Variants in LTBP1 observed in about 807,000 individuals in gnomAD.
LTBP1 encodes latent transforming growth factor beta binding protein 1.
In LTBP1, 129 loss-of-function variants were observed where a neutral mutation model predicts 207.6. That is an observed-to-expected ratio of 0.62 (90% CI 0.54 to 0.72). The LOEUF (loss-of-function observed/expected upper bound fraction) is 0.72, where lower values mean the gene tolerates loss of function less well. Among genes scored for constraint, LTBP1 ranks in the 30% least tolerant of loss-of-function variants. LTBP1 has a pLI of 0.00. For synonymous variants in LTBP1, 963 were observed against 833.7 expected (o/e 1.16, Z -2.67); for missense variants, 2,281 against 2,217.2 (o/e 1.03, Z -0.58).
chr2:33,325,092 C>T (rs1158063071), intron 24 of LTBP1, among the ~76,000 whole-genome samples: 1 of 152,126 alleles, frequency 6.6e-6, no homozygotes, highest in Non-Finnish European at 1.5e-5. Flanking sequence ...ATTCTTCACC[C>T]TTTGTTTTCC....
chr2:33,364,615 T>C (rs2094962579), intron 30 of LTBP1, among the ~76,000 whole-genome samples: 1 of 152,162 alleles, frequency 6.6e-6, no homozygotes, highest in African/African-American at 2.4e-5. Context: ...GTTCCATGGC[T>C]TAGGGTTCAT....
intron 3 of LTBP1, among the ~76,000 whole-genome samples, chr2:33,072,641 G>A (rs903152831): frequency 1.3e-5 from 2 of 152,190 alleles, no homozygotes; most frequent in Non-Finnish European, 2.9e-5. Flanking sequence ...CAGTGAGAGA[G>A]AGATTTGTTT....
At chr2:32,952,057 G>C (rs150655) in intron 2 of LTBP1, among the ~76,000 whole-genome samples, 141,683 of 152,228 alleles carry the variant, frequency 0.93, 66,703 homozygotes, top group East Asian at 1. Flanking sequence ...TAGGTCATGT[G>C]CAATTGATGC....
chr2:33,102,920 G>A (rs567934210), intron 3 of LTBP1, among the ~76,000 whole-genome samples: 217 of 151,426 alleles, frequency 1.4e-3, no homozygotes, highest in African/African-American at 5.0e-3. Context: ...CACTGTGTAT[G>A]CACAGTCTGT....
intron 24 of LTBP1, among the ~76,000 whole-genome samples, chr2:33,334,186 A>G (rs1476880407): frequency 6.6e-6 from 1 of 152,248 alleles, no homozygotes; most frequent in African/African-American, 2.4e-5. Context: ...GCATGCGTAG[A>G]TAAGTCAAGA....
At chr2:33,286,269 A>G (rs1160390031) in intron 19 of LTBP1, among the ~76,000 whole-genome samples, 1 of 152,252 alleles carries the variant, frequency 6.6e-6, no homozygotes, top group African/African-American at 2.4e-5. Context: ...AGAATTTAGT[A>G]TCATTCAGTC....
At chr2:33,078,145 T>G (rs1427010711) in intron 3 of LTBP1, among the ~76,000 whole-genome samples, 3 of 152,214 alleles carry the variant, frequency 2.0e-5, no homozygotes, top group Non-Finnish European at 4.4e-5. Flanking sequence ...AGACCCTTCA[T>G]TAATCATGAA....
intron 24 of LTBP1, among the ~76,000 whole-genome samples, chr2:33,320,977 G>T (rs996684490): frequency 2.0e-5 from 3 of 152,022 alleles, no homozygotes; most frequent in African/African-American, 7.2e-5. Flanking sequence ...TTATTGGAAA[G>T]GAAAAATGAA....
intron 32 of LTBP1, among the ~76,000 whole-genome samples, chr2:33,392,239 C>T (rs1017928147): frequency 2.0e-5 from 3 of 151,254 alleles, no homozygotes; most frequent in African/African-American, 4.9e-5. Context: ...GGCTGGAGTG[C>T]AACGGTGCAA....
At chr2:33,360,823 C>G in intron 27 of LTBP1, 44 bp downstream of exon 27, 1 of 1,565,910 alleles carries the variant, frequency 6.4e-7, no homozygotes, top group Non-Finnish European at 8.8e-7. Context: ...TGTTTGGTCA[C>G]ATGGTGTCCC....
intron 9 of LTBP1, among the ~76,000 whole-genome samples, chr2:33,226,645 C>T (rs909532109): frequency 1.1e-4 from 17 of 152,146 alleles, no homozygotes; most frequent in African/African-American, 2.9e-4. Context: ...CAGGTTATTT[C>T]GAATTTTCTA....
At chr2:33,350,071 A>G (rs775012927) in intron 26 of LTBP1, among the ~76,000 whole-genome samples, 1 of 152,270 alleles carries the variant, frequency 6.6e-6, no homozygotes, top group Non-Finnish European at 1.5e-5. Flanking sequence ...AGAATCTGCT[A>G]TTCCACAGAC....
At chr2:33,026,237 C>T (rs1338590184) in intron 3 of LTBP1, among the ~76,000 whole-genome samples, 2 of 152,030 alleles carry the variant, frequency 1.3e-5, no homozygotes, top group African/African-American at 4.8e-5. Context: ...TAGGAGGGGA[C>T]CTTGCTCAAT....
chr2:33,140,410 G>T (rs1210402680), intron 5 of LTBP1, among the ~76,000 whole-genome samples: 1 of 152,112 alleles, frequency 6.6e-6, no homozygotes. Context: ...AAATGCCATC[G>T]TGTCTCCCTT....
Position 33,329,350 on chromosome 2 carries a change from C to G in LTBP1, c.3731-13488C>G, listed in dbSNP as rs1398795579. 2.0e-5 allele frequency among the ~76,000 whole-genome samples: 3 copies of G among 152,224 alleles called. No individual in the cohort carries two copies. The East Asian group carries it at 5.8e-4, about 29-fold the overall frequency. On this transcript the variant is annotated intron_variant, in intron 24 of 33. Coordinates refer to ENST00000404816, the MANE Select transcript of LTBP1 (RefSeq NM_206943.4). ...TAAGAAACTTCTTCCAAATGAAGTG[C>G]TCAAAACAACTATTTTAATGGCAAC... is the stretch of plus-strand genomic sequence containing the variant.
At chr2:32,991,329 GTAAA>G (rs1201174999) in intron 2 of LTBP1, among the ~76,000 whole-genome samples, 13 of 152,134 alleles carry the variant, frequency 8.5e-5, no homozygotes, top group African/African-American at 3.1e-4. Context: ...GTTCTTACTT[GTAAA>G]TAAACTGTCA....
chr2:33,066,429 G>A (rs1446814136), intron 3 of LTBP1, among the ~76,000 whole-genome samples: 1 of 152,102 alleles, frequency 6.6e-6, no homozygotes, highest in African/African-American at 2.4e-5. Flanking sequence ...TGTTTTTAGT[G>A]GCATGTGTAT....
At chr2:33,346,727 G>A (rs1485250865) in intron 25 of LTBP1, among the ~76,000 whole-genome samples, 1 of 151,460 alleles carries the variant, frequency 6.6e-6, no homozygotes, top group Non-Finnish European at 1.5e-5. Flanking sequence ...CGTCATTTAA[G>A]ACTTCATTAT....
chr2:33,037,713 G>A (rs552013480), intron 3 of LTBP1, among the ~76,000 whole-genome samples: 54 of 152,196 alleles, frequency 3.5e-4, no homozygotes, highest in Admixed American at 2.3e-3. Context: ...TGAAGATATA[G>A]TTTTTATTTT....
Sources: allele counts gnomAD v4.1 joint callset (sites outside exome capture counted in the v4.1 genomes callset), GRCh38; gene constraint gnomAD v4.1.1; transcripts MANE v1.5; gene names NCBI Gene and HGNC (gene_info 2026-07-23, HGNC 2026-07-21).